The following CADM2 variants were observed in gnomAD, a reference collection of about 807,000 sequenced individuals.
CADM2 encodes cell adhesion molecule 2.
In CADM2, 12 loss-of-function variants were observed where a neutral mutation model predicts 49.8. The observed-to-expected ratio is 0.24, with a 90% CI of 0.15 to 0.39. The LOEUF (loss-of-function observed/expected upper bound fraction) is 0.39, where lower values mean the gene tolerates loss of function less well. Among genes scored for constraint, CADM2 ranks in the 10% least tolerant of loss-of-function variants. The pLI, the probability that CADM2 is intolerant of heterozygous loss-of-function variation, is 1.00. For missense variants in CADM2, 378 were observed against 492.3 expected (o/e 0.77, Z 2.20); for synonymous variants, 214 against 175.4 (o/e 1.22, Z -1.74).
At position 85,977,534 on chromosome 3, in the gene CADM2, T is replaced by G. The variant is rs572969736; in HGVS notation, c.970+15887T>G. Among the ~76,000 whole-genome samples, 354 of 151,706 alleles carry G rather than the reference T, an allele frequency of 2.3e-3. 4 individuals carry two copies. The highest frequency in any genetic ancestry group is 8.4e-3 in the African/African-American group (347 of 41,484). On this transcript the variant is annotated intron_variant, in intron 8 of 9. Transcript: ENST00000383699. ...TTTTAGATAAGTATAAAAGTTAAAA[T>G]TACACATTTTTTAAATTTAGAAAAT...
intron 1 of CADM2, among the ~76,000 whole-genome samples, chr3:85,288,003 A>C (rs984181273): frequency 6.6e-6 from 1 of 151,742 alleles, no homozygotes; most frequent in African/African-American, 2.4e-5. Context: ...TGTAAATGAG[A>C]AGTTAATGGG....
At chr3:85,351,041 A>G (rs1676004084) in intron 1 of CADM2, among the ~76,000 whole-genome samples, 2 of 152,172 alleles carry the variant, frequency 1.3e-5, no homozygotes, top group South Asian at 4.1e-4. Context: ...TTTTTTATTT[A>G]ATAGGCTTAC....
At chr3:85,079,252 A>G (rs2037066096) in intron 1 of CADM2, among the ~76,000 whole-genome samples, 1 of 151,860 alleles carries the variant, frequency 6.6e-6, no homozygotes. Flanking sequence ...CACATATTAT[A>G]CTATTTTATT....
At chr3:86,010,287 A>C (rs1296471172) in intron 8 of CADM2, among the ~76,000 whole-genome samples, 1 of 152,002 alleles carries the variant, frequency 6.6e-6, no homozygotes, top group Non-Finnish European at 1.5e-5. Context: ...CTGCTCTTCA[A>C]ATAAAAAATA....
intron 1 of CADM2, among the ~76,000 whole-genome samples, chr3:85,207,139 CAT>C (rs1271807221): frequency 6.6e-6 from 1 of 151,236 alleles, no homozygotes; most frequent in East Asian, 1.9e-4. Flanking sequence ...GTTTGTTCAT[CAT>C]GTGTTTAAAA....
chr3:85,513,210 G>C (rs1443541139), intron 1 of CADM2, among the ~76,000 whole-genome samples: 1 of 151,932 alleles, frequency 6.6e-6, no homozygotes, highest in Non-Finnish European at 1.5e-5. Flanking sequence ...CATTTTTAGA[G>C]ATGCAAAACC....
At chr3:85,759,619 C>G (rs1017902476) in intron 2 of CADM2, among the ~76,000 whole-genome samples, 3 of 152,090 alleles carry the variant, frequency 2.0e-5, no homozygotes, top group Admixed American at 1.3e-4. Context: ...TATTCATAAG[C>G]TGCCACATAA....
intron 1 of CADM2, among the ~76,000 whole-genome samples, chr3:85,316,419 T>C (rs998301912): frequency 6.6e-6 from 1 of 152,162 alleles, no homozygotes; most frequent in African/African-American, 2.4e-5. Context: ...AAATGAGAGA[T>C]TGGCTGAGTG....
At chr3:85,917,762 A>T (rs1335131346) in intron 6 of CADM2, among the ~76,000 whole-genome samples, 2 of 152,138 alleles carry the variant, frequency 1.3e-5, no homozygotes, top group African/African-American at 4.8e-5. Context: ...CTTGGGCAGT[A>T]TGGCCATTTT....
chr3:85,699,705 T>C lies in CADM2; in HGVS notation c.62-26817T>C, dbSNP rs113171166. On this transcript the variant is annotated intron_variant, in intron 1 of 9. Coordinates refer to ENST00000383699, the MANE Select transcript of CADM2 (RefSeq NM_001167675.2). ...TGGGCCTGGCCCATGAAACCATTTT[T>C]CCCCCCTAGGCCTCCAGGCCTGTGA... 4.7e-3 allele frequency among the ~76,000 whole-genome samples: 708 copies of C among 152,208 alleles called. 3 individuals are homozygous for C. The highest frequency in any genetic ancestry group is 7.7e-3 in the South Asian group (37 of 4,820).
rs993308581 is a variant in CADM2, at chr3:85,054,122, T to C, written c.61+94454T>C. On this transcript the variant is annotated intron_variant, in intron 1 of 9. Transcript: ENST00000383699. ...TAAGGCAGATATAATAAAGGTTCTT[T>C]GAATTAAAAACAGTGTCATAAGAGT... is the stretch of plus-strand genomic sequence containing the variant. 2.4e-4 allele frequency among the ~76,000 whole-genome samples: 36 copies of C among 151,938 alleles called. 1 individual carries two copies. Among genetic ancestry groups the C allele is most frequent in the African/African-American group, 8.7e-4 (36 of 41,432 alleles).
chr3:85,994,243 A>T (rs1344744570), intron 8 of CADM2: 1 of 152,154 alleles, frequency 6.6e-6, no homozygotes, highest in Non-Finnish European at 1.5e-5. Flanking sequence ...TGTTCTGAAG[A>T]TGACCTATTT....
chr3:85,039,699 G>A lies in CADM2; in HGVS notation c.61+80031G>A, dbSNP rs113717005. The stretch of plus-strand genomic sequence containing the variant: ...AGGCAAGTAGCAAATAATGAGACCA[G>A]TAGGAAAGTGTGTTCCATCTGTAAT... On this transcript the variant is annotated intron_variant, in intron 1 of 9. Transcript: ENST00000383699. Among the ~76,000 whole-genome samples the A allele has an allele frequency of 2.6e-3, 397 of 152,222 alleles. 3 individuals are homozygous for A. Among genetic ancestry groups the A allele is most frequent in the Middle Eastern group, 0.014 (4 of 294 alleles).
At chr3:85,612,662 G>C (rs1372930939) in intron 1 of CADM2, among the ~76,000 whole-genome samples, 2 of 151,666 alleles carry the variant, frequency 1.3e-5, no homozygotes, top group Non-Finnish European at 3.0e-5. Context: ...TTGAAAAAAA[G>C]CTTAAAAAGT....
intron 1 of CADM2, among the ~76,000 whole-genome samples, chr3:85,678,146 C>G (rs1478218201): frequency 6.6e-6 from 1 of 152,104 alleles, no homozygotes; most frequent in African/African-American, 2.4e-5. Flanking sequence ...TCCATGTGGA[C>G]TAATGATGTT....
intron 1 of CADM2, among the ~76,000 whole-genome samples, chr3:85,162,414 T>C (rs950936398): frequency 6.6e-6 from 1 of 152,108 alleles, no homozygotes; most frequent in Admixed American, 6.6e-5. Context: ...TGTCAAAAAA[T>C]TTTTGGTAGG....
intron 1 of CADM2, among the ~76,000 whole-genome samples, chr3:85,180,830 A>C (rs2040916166): frequency 6.6e-6 from 1 of 152,194 alleles, no homozygotes; most frequent in Non-Finnish European, 1.5e-5. Flanking sequence ...AGTTTTTATT[A>C]ATCACACAAT....
intron 2 of CADM2, among the ~76,000 whole-genome samples, chr3:85,740,259 A>G (rs773059027): frequency 1.3e-5 from 2 of 152,224 alleles, no homozygotes; most frequent in African/African-American, 2.4e-5. Flanking sequence ...ACAGAATACT[A>G]TAGTCTTCCA....
chr3:85,070,119 T>A (rs1427422531), intron 1 of CADM2, among the ~76,000 whole-genome samples: 1 of 152,168 alleles, frequency 6.6e-6, no homozygotes, highest in African/African-American at 2.4e-5. Context: ...CATAACATGT[T>A]CCATAGTGAC....
Sources: allele counts gnomAD v4.1 joint callset (sites outside exome capture counted in the v4.1 genomes callset), GRCh38; gene constraint gnomAD v4.1.1; transcripts MANE v1.5; gene names NCBI Gene and HGNC (gene_info 2026-07-23, HGNC 2026-07-21).